Variants in FSTL5 observed in about 807,000 individuals in gnomAD.
The protein encoded by FSTL5 is follistatin like 5.
A neutral mutation model predicts 89.1 loss-of-function variants in FSTL5; 62 were observed. That is an observed-to-expected ratio of 0.70 (90% CI 0.57 to 0.86). The LOEUF is 0.86. Ranked by LOEUF, FSTL5 falls within the 40% of genes least tolerant of loss-of-function variation. The probability of loss-of-function intolerance (pLI) is 0.00; values close to 1 mark genes in which losing one functional copy is unlikely to be tolerated. For synonymous variants in FSTL5, 383 were observed against 346.2 expected (o/e 1.11, Z -1.18); for missense variants, 1,057 against 1,001.6 (o/e 1.06, Z -0.75).
chr4:161,872,047 A>T, intron 4 of FSTL5, among the ~76,000 whole-genome samples: 1 of 150,410 alleles, frequency 6.6e-6, no homozygotes, highest in African/African-American at 2.4e-5. Flanking sequence ...GCCTGAGTGC[A>T]GTGGTGTGAT....
At chr4:161,887,285 CT>C (rs1732835601) in intron 4 of FSTL5, among the ~76,000 whole-genome samples, 1 of 152,094 alleles carries the variant, frequency 6.6e-6, no homozygotes, top group Non-Finnish European at 1.5e-5. Flanking sequence ...ATATCCACTA[CT>C]GTTAAGTTTG....
chr4:161,981,413 C>T (rs532930552), intron 3 of FSTL5, among the ~76,000 whole-genome samples: 6 of 152,222 alleles, frequency 3.9e-5, no homozygotes, highest in African/African-American at 1.4e-4. Context: ...GATTATCTAG[C>T]AAAGCTCTGT....
At chr4:162,077,224 G>C (rs1461907359) in intron 2 of FSTL5, among the ~76,000 whole-genome samples, 2 of 151,722 alleles carry the variant, frequency 1.3e-5, no homozygotes, top group Admixed American at 1.3e-4. Context: ...GTGAGGGAGA[G>C]ATAAAGAAAG....
chr4:162,140,165 A>G (rs1034117652), intron 1 of FSTL5, among the ~76,000 whole-genome samples: 2 of 152,150 alleles, frequency 1.3e-5, no homozygotes, highest in African/African-American at 4.8e-5. Flanking sequence ...CAACCAAAAT[A>G]CATACTGCTG....
intron 2 of FSTL5, among the ~76,000 whole-genome samples, chr4:162,079,298 T>G (rs1209415042): frequency 6.6e-6 from 1 of 151,706 alleles, no homozygotes; most frequent in African/African-American, 2.4e-5. Context: ...GCTCAGCATG[T>G]CTACATGTCT....
intron 8 of FSTL5, among the ~76,000 whole-genome samples, chr4:161,558,939 C>T (rs988012313): frequency 6.6e-6 from 1 of 151,820 alleles, no homozygotes; most frequent in African/African-American, 2.4e-5. Context: ...CAGTTTAGGC[C>T]TTCACTATTT....
chr4:161,612,938 CTCT>C (rs1389036109), intron 7 of FSTL5, among the ~76,000 whole-genome samples: 1 of 104,492 alleles, frequency 9.6e-6, no homozygotes, highest in Non-Finnish European at 1.8e-5. Context: ...TATATTAGTG[CTCT>C]TTTTTTTTTA....
intron 2 of FSTL5, among the ~76,000 whole-genome samples, chr4:162,090,038 A>G (rs1730481682): frequency 6.6e-6 from 1 of 152,174 alleles, no homozygotes; most frequent in Admixed American, 6.5e-5. Context: ...CTGGCTAGCC[A>G]CATGCAAATT....
intron 9 of FSTL5, among the ~76,000 whole-genome samples, chr4:161,541,797 G>A (rs1194786701): frequency 6.6e-6 from 1 of 151,816 alleles, no homozygotes; most frequent in African/African-American, 2.4e-5. Flanking sequence ...TAAAATGAGT[G>A]TTGTGTGTTA....
chr4:161,387,726 G>A (rs1730694176), intron 15 of FSTL5: 1 of 151,952 alleles, frequency 6.6e-6, no homozygotes. Flanking sequence ...AAGAAAGGGA[G>A]TGCCTACACA....
rs142786579 is a variant in FSTL5 at position 161,793,324 on chromosome 4, G to A, written c.410-17250C>T. 6.7e-4 allele frequency among the ~76,000 whole-genome samples: 102 copies of A among 152,288 alleles called. No individual in the cohort carries two copies. In the East Asian group the frequency reaches 0.011, roughly 17 times the overall value. On this transcript the variant is annotated intron_variant, in intron 4 of 15. Transcript: ENST00000306100. Reference sequence around the variant, plus strand: ...TGGGCAGAACAAGCCTAGCAGGCCCGAGCAAACCATGGCAACAGAGGTTTC... The same window carrying A: ...TGGGCAGAACAAGCCTAGCAGGCCCAAGCAAACCATGGCAACAGAGGTTTC...
At chr4:161,810,359 A>C (rs367963066) in intron 4 of FSTL5, among the ~76,000 whole-genome samples, 2 of 152,152 alleles carry the variant, frequency 1.3e-5, no homozygotes, top group African/African-American at 4.8e-5. Flanking sequence ...GTGATGAGTA[A>C]GATTATAATA....
intron 15 of FSTL5, among the ~76,000 whole-genome samples, chr4:161,431,175 G>A (rs6850098): frequency 0.029 from 4,376 of 152,196 alleles, 203 homozygotes; most frequent in African/African-American, 0.099. Flanking sequence ...AGTAATTGTC[G>A]TGTATAAACT....
intron 4 of FSTL5, among the ~76,000 whole-genome samples, chr4:161,894,667 T>C (rs544452594): frequency 6.6e-6 from 1 of 152,092 alleles, no homozygotes; most frequent in African/African-American, 2.4e-5. Flanking sequence ...TTAGTAGCGA[T>C]GAGGGTTCTC....
chr4:161,906,379 G>C (rs756006957), intron 4 of FSTL5, among the ~76,000 whole-genome samples: 2 of 152,230 alleles, frequency 1.3e-5, no homozygotes, highest in South Asian at 2.1e-4. Flanking sequence ...ATAGCTAGAG[G>C]CTCGCTAAAA....
intron 1 of FSTL5, among the ~76,000 whole-genome samples, chr4:162,149,787 G>A (rs748926014): frequency 6.1e-4 from 93 of 151,984 alleles, no homozygotes; most frequent in Middle Eastern, 3.2e-3. Context: ...TTTTGTTCCT[G>A]GTAGAAATGC....
At chr4:161,760,876 TG>T (rs1740768789) in intron 5 of FSTL5, among the ~76,000 whole-genome samples, 1 of 152,170 alleles carries the variant, frequency 6.6e-6, no homozygotes. Context: ...AACACTCCTG[TG>T]TTGAACGTTT....
At chr4:161,460,738 A>AT (rs1175996230) in intron 13 of FSTL5, among the ~76,000 whole-genome samples, 1 of 152,036 alleles carries the variant, frequency 6.6e-6, no homozygotes, top group Non-Finnish European at 1.5e-5. Flanking sequence ...TCACTTAACC[A>AT]TTTTTTATAT....
intron 4 of FSTL5, among the ~76,000 whole-genome samples, chr4:161,855,906 T>C (rs527416740): frequency 6.6e-6 from 1 of 152,098 alleles, no homozygotes; most frequent in Non-Finnish European, 1.5e-5. Flanking sequence ...TGAGGAAATA[T>C]CACTAAAGAA....
Sources: gnomAD v4.1 joint callset for allele counts (sites outside exome capture counted in the v4.1 genomes callset) on GRCh38, gnomAD v4.1.1 for gene constraint, MANE v1.5 for transcripts, NCBI Gene and HGNC (gene_info 2026-07-23, HGNC 2026-07-21) for gene names.